GGTA1: variants seen among roughly 807,000 people sequenced by gnomAD.
GGTA1 encodes the protein inactive N-acetyllactosaminide alpha-1,3-galactosyltransferase.
GGTA1 carries 5 observed loss-of-function variants against 2.6 expected under a neutral mutation model. The ratio of observed to expected loss-of-function variants is 1.92; its 90% confidence interval spans 1.00 to 4.04. GGTA1 has a LOEUF of 4.04. GGTA1 is among the 30% of genes most tolerant of loss of function. The pLI, the probability that GGTA1 is intolerant of heterozygous loss-of-function variation, is 0.00. For missense variants in GGTA1, 50 were observed against 16.7 expected, an observed-to-expected ratio of 2.99 and a Z score of -3.47; for synonymous variants, 17 against 5.0, an observed-to-expected ratio of 3.38 and a Z score of -3.19.
chr9:121,459,211 C>T (rs2064939204), intron 5 of GGTA1, among the ~76,000 whole-genome samples: 1 of 152,164 alleles, frequency 6.6e-6, no homozygotes, highest in Admixed American at 6.5e-5. Context: ...AATCCCAGCA[C>T]TTTGGGAGGC....
downstream of GGTA1, among the ~76,000 whole-genome samples, chr9:121,450,694 A>G (rs1001379962): frequency 2.6e-5 from 4 of 152,202 alleles, no homozygotes; most frequent in Admixed American, 1.3e-4. Flanking sequence ...GTGCCAAAGG[A>G]TTAGGTGAGC....
intron 1 of GGTA1, among the ~76,000 whole-genome samples, chr9:121,488,498 T>C (rs186918914): frequency 6.6e-6 from 1 of 152,268 alleles, no homozygotes; most frequent in Non-Finnish European, 1.5e-5. Context: ...GTGGATCACC[T>C]GAGGTCAGGA....
chr9:121,461,415 A>T, intron 3 of GGTA1, 98 bp from the exon 4 acceptor site: 1 of 397,526 alleles, frequency 2.5e-6, no homozygotes, highest in Non-Finnish European at 4.9e-6. Flanking sequence ...ACTTTAAAAA[A>T]ATAAAAAACC....
intron 2 of GGTA1, 138 bp downstream of exon 2, chr9:121,467,705 T>C (rs1431121013): frequency 2.9e-6 from 1 of 346,512 alleles, no homozygotes; most frequent in Non-Finnish European, 5.7e-6. Context: ...GGCTTAGGAA[T>C]TCAGGAAGGG....
At chr9:121,489,701 C>T (rs999943057) in intron 1 of GGTA1, among the ~76,000 whole-genome samples, 2 of 152,186 alleles carry the variant, frequency 1.3e-5, no homozygotes, top group Admixed American at 6.5e-5. Context: ...CACTTCCTAG[C>T]ACAACACTGC....
At chr9:121,456,978 A>T (rs548117067) in intron 5 of GGTA1, among the ~76,000 whole-genome samples, 1 of 152,104 alleles carries the variant, frequency 6.6e-6, no homozygotes, top group Non-Finnish European at 1.5e-5. Context: ...AACACAACTC[A>T]TTATTGACTG....
rs1828755960 is a variant in GGTA1 at position 121,486,474 on chromosome 9, C to A, written c.-10+13176G>T. On this transcript the variant is annotated intron_variant, in intron 1 of 5. Transcript: ENST00000481799. ...GCAGTCAGGACTCCTGGGCTCCAGT[C>A]TGGACCCAGTGAGCCTAGGGAAGGC... 3.3e-5 allele frequency among the ~76,000 whole-genome samples: 5 copies of A among 152,370 alleles called. No homozygotes were observed. The South Asian group carries it at 1.0e-3, about 32-fold the overall frequency.
At chr9:121,493,261 G>T (rs969500409) in intron 1 of GGTA1, among the ~76,000 whole-genome samples, 1 of 152,056 alleles carries the variant, frequency 6.6e-6, no homozygotes, top group Non-Finnish European at 1.5e-5. Flanking sequence ...AAGGAGCCCT[G>T]CTATGCCCCA....
intron 1 of GGTA1, among the ~76,000 whole-genome samples, chr9:121,489,052 G>C (rs1370546433): frequency 6.6e-6 from 1 of 152,186 alleles, no homozygotes; most frequent in East Asian, 1.9e-4. Context: ...ATGCTGGCTT[G>C]CATGTTAAAT....
chr9:121,499,162 G>A (rs1450792324), intron 1 of GGTA1, among the ~76,000 whole-genome samples: 1 of 151,770 alleles, frequency 6.6e-6, no homozygotes, highest in Admixed American at 6.6e-5. Context: ...CTTCCTCCTT[G>A]GGGTTCCTGC....
chr9:121,465,220 C>T (rs1322212678), intron 2 of GGTA1, among the ~76,000 whole-genome samples: 2 of 152,172 alleles, frequency 1.3e-5, no homozygotes, highest in South Asian at 2.1e-4. Context: ...CAGTTATGCA[C>T]ATACAACTCT....
chr9:121,481,152 C>CAAA (rs56784223), intron 1 of GGTA1, among the ~76,000 whole-genome samples: 3 of 78,532 alleles, frequency 3.8e-5, no homozygotes, highest in Non-Finnish European at 4.9e-5. Context: ...GACACCATCT[C>CAAA]AAAAAAAAAA....
intron 1 of GGTA1, among the ~76,000 whole-genome samples, chr9:121,492,643 T>C (rs1472098856): frequency 2.0e-5 from 3 of 152,080 alleles, no homozygotes; most frequent in Non-Finnish European, 4.4e-5. Flanking sequence ...CTGGCTAATT[T>C]TATATTTTTA....
intron 1 of GGTA1, among the ~76,000 whole-genome samples, chr9:121,490,377 C>G (rs1828849973): frequency 1.3e-5 from 2 of 152,234 alleles, no homozygotes; most frequent in South Asian, 4.1e-4. Context: ...CCGATCTCAT[C>G]TGAAACCTCC....
intron 4 of GGTA1, among the ~76,000 whole-genome samples, chr9:121,460,939 G>A (rs1373817896): frequency 6.6e-6 from 1 of 151,972 alleles, no homozygotes; most frequent in Non-Finnish European, 1.5e-5. Flanking sequence ...TTATCTGGAT[G>A]TGGTAGTGCA....
At chr9:121,459,463 G>GA (rs541532199) in intron 5 of GGTA1, among the ~76,000 whole-genome samples, 171 of 151,496 alleles carry the variant, frequency 1.1e-3, no homozygotes, top group Non-Finnish European at 1.8e-3. Flanking sequence ...AAAATCAAAT[G>GA]AAAAAAAAGG....
At position 121,476,395 on chromosome 9, in the gene GGTA1, C is replaced by T. The variant is rs181411364; in HGVS notation, c.-9-8464G>A. Among the ~76,000 whole-genome samples the T allele has an allele frequency of 3.6e-4, 55 of 152,270 alleles. No homozygotes were observed. Among genetic ancestry groups the T allele is most frequent in the Admixed American group, 3.5e-3 (54 of 15,292 alleles). On this transcript the variant is annotated intron_variant, in intron 1 of 5. Transcript: ENST00000481799. The surrounding 1 kb of genome is among the most constrained non-coding windows in gnomAD (Gnocchi z 4.6). ...AGCCCCAGCACCAACACAGTGCCAG[C>T]TTTCTAAACTGGCGTCACGAGTTTC...
At chr9:121,486,759 G>A (rs1460636214) in intron 1 of GGTA1, among the ~76,000 whole-genome samples, 1 of 152,202 alleles carries the variant, frequency 6.6e-6, no homozygotes, top group African/African-American at 2.4e-5. Flanking sequence ...TTTTCTAGCT[G>A]CATAAAAGGC....
chr9:121,467,317 A>AAC (rs145567530), intron 2 of GGTA1, among the ~76,000 whole-genome samples: 2 of 152,044 alleles, frequency 1.3e-5, no homozygotes, highest in South Asian at 2.1e-4. Context: ...TTCAAAGTTA[A>AAC]ACACACACAC....
Sources: allele counts gnomAD v4.1 joint callset (sites outside exome capture counted in the v4.1 genomes callset), GRCh38; gene constraint gnomAD v4.1.1; non-coding constraint Gnocchi (gnomAD v3.1); transcripts MANE v1.5; gene names NCBI Gene and HGNC (gene_info 2026-07-23, HGNC 2026-07-21).